The following MAGI1 variants were observed in gnomAD, a reference collection of about 807,000 sequenced individuals.
The protein encoded by MAGI1 is membrane-associated guanylate kinase, WW and PDZ domain-containing protein 1.
MAGI1 carries 58 observed loss-of-function variants against 139.9 expected under a neutral mutation model. That is an observed-to-expected ratio of 0.41 (90% CI 0.34 to 0.52). The LOEUF (loss-of-function observed/expected upper bound fraction) is 0.52, where lower values mean the gene tolerates loss of function less well. MAGI1 is among the 20% of genes least tolerant of loss of function. The probability of loss-of-function intolerance (pLI) is 0.12; values close to 1 mark genes in which losing one functional copy is unlikely to be tolerated. For missense variants in MAGI1, 1,874 were observed against 1,901.6 expected (o/e 0.99, Z 0.27); for synonymous variants, 812 against 737.9 (o/e 1.10, Z -1.63).
chr3:65,969,046 A>G (rs1052942670), intron 1 of MAGI1, among the ~76,000 whole-genome samples: 2 of 152,222 alleles, frequency 1.3e-5, no homozygotes, highest in Admixed American at 1.3e-4. Flanking sequence ...AAAGGCTAAC[A>G]CTCAGCTCAG....
chr3:65,941,610 C>A (rs936843508), intron 1 of MAGI1, among the ~76,000 whole-genome samples: 14 of 151,960 alleles, frequency 9.2e-5, no homozygotes, highest in Non-Finnish European at 1.9e-4. Flanking sequence ...CATCCCCACC[C>A]CCACCTCCCC....
At chr3:65,575,105 T>C (rs1379123865) in intron 2 of MAGI1, among the ~76,000 whole-genome samples, 1 of 152,016 alleles carries the variant, frequency 6.6e-6, no homozygotes, top group Admixed American at 6.6e-5. Context: ...AAAGACACTG[T>C]TAAGAGGATG....
intron 10 of MAGI1, among the ~76,000 whole-genome samples, chr3:65,431,334 C>T (rs1055131961): frequency 2.6e-5 from 4 of 152,030 alleles, no homozygotes; most frequent in African/African-American, 9.7e-5. Context: ...ACTAATCAAA[C>T]GGAAAATCCA....
intron 1 of MAGI1, among the ~76,000 whole-genome samples, chr3:65,841,453 GT>G (rs56049843): frequency 0.032 from 4,768 of 147,456 alleles, 242 homozygotes; most frequent in African/African-American, 0.11. Context: ...TTTTGTTTTT[GT>G]TTTTTTTTTG....
chr3:65,493,077 C>CAAA (rs11412426), intron 3 of MAGI1, among the ~76,000 whole-genome samples: 6 of 110,176 alleles, frequency 5.4e-5, no homozygotes, highest in African/African-American at 1.1e-4. Flanking sequence ...GACTCCGTCT[C>CAAA]AAAAAAAAAA....
chr3:65,755,765 T>C (rs2036517433), intron 1 of MAGI1, among the ~76,000 whole-genome samples: 1 of 152,214 alleles, frequency 6.6e-6, no homozygotes, highest in Non-Finnish European at 1.5e-5. Flanking sequence ...ACAGCTATTC[T>C]GCAAAGTTAC....
At chr3:65,424,563 A>T (rs1282560450) in intron 12 of MAGI1, among the ~76,000 whole-genome samples, 2 of 152,196 alleles carry the variant, frequency 1.3e-5, no homozygotes, top group Admixed American at 1.3e-4. Flanking sequence ...TGTTGTGATC[A>T]GCAAAAGCCA....
intron 5 of MAGI1, among the ~76,000 whole-genome samples, chr3:65,454,585 G>C (rs72896339): frequency 0.04 from 5,874 of 146,868 alleles, 392 homozygotes; most frequent in African/African-American, 0.14. Context: ...AAAAAAAAAA[G>C]AAGTTTTTTT....
At chr3:66,023,039 C>T (rs2068044019) in intron 1 of MAGI1, among the ~76,000 whole-genome samples, 2 of 152,190 alleles carry the variant, frequency 1.3e-5, no homozygotes, top group African/African-American at 2.4e-5. Flanking sequence ...AGTCAAACTT[C>T]ACGCCAAGCT....
intron 3 of MAGI1, among the ~76,000 whole-genome samples, chr3:65,485,992 A>C (rs953918066): frequency 2.6e-5 from 4 of 152,192 alleles, no homozygotes; most frequent in African/African-American, 7.2e-5. Flanking sequence ...TTATCAACAG[A>C]GAACATTCTA....
chr3:65,522,619 T>C (rs948001670), intron 2 of MAGI1, among the ~76,000 whole-genome samples: 2 of 152,166 alleles, frequency 1.3e-5, no homozygotes, highest in African/African-American at 4.8e-5. Context: ...ACAAATTCTG[T>C]CAATCAAGCT....
At chr3:65,445,882 T>A (rs1308117391) in intron 7 of MAGI1, among the ~76,000 whole-genome samples, 2 of 152,210 alleles carry the variant, frequency 1.3e-5, no homozygotes, top group Non-Finnish European at 2.9e-5. Flanking sequence ...GGAATTACAT[T>A]GTTCACTGAA....
chr3:65,578,388 T>A (rs922677863), intron 2 of MAGI1, among the ~76,000 whole-genome samples: 1 of 152,008 alleles, frequency 6.6e-6, no homozygotes, highest in African/African-American at 2.4e-5. Flanking sequence ...GGGTGAAAAA[T>A]CAACCAGCTA....
At chr3:65,574,170 ATTTTATT>A (rs1290402003) in intron 2 of MAGI1, among the ~76,000 whole-genome samples, 1 of 151,660 alleles carries the variant, frequency 6.6e-6, no homozygotes, top group African/African-American at 2.4e-5. Context: ...AGAAATAGAA[ATTTTATT>A]TTTTATTTTT....
intron 1 of MAGI1, among the ~76,000 whole-genome samples, chr3:65,631,235 A>AC (rs1356809313): frequency 6.6e-6 from 1 of 152,240 alleles, no homozygotes; most frequent in Non-Finnish European, 1.5e-5. Context: ...CAATGGAGTC[A>AC]AAAAGGAATC....
intron 1 of MAGI1, among the ~76,000 whole-genome samples, chr3:65,624,180 T>C (rs563798591): frequency 1.3e-5 from 2 of 152,296 alleles, no homozygotes; most frequent in South Asian, 4.1e-4. Context: ...TTAGCAGGCA[T>C]AATGGTTCGT....
intron 2 of MAGI1, among the ~76,000 whole-genome samples, chr3:65,601,710 G>C (rs1173317474): frequency 1.4e-5 from 2 of 145,830 alleles, no homozygotes; most frequent in African/African-American, 2.6e-5. Context: ...TTTATCCTGG[G>C]TGACACCAAA....
intron 1 of MAGI1, among the ~76,000 whole-genome samples, chr3:65,992,155 C>T (rs559105118): frequency 3.3e-5 from 5 of 152,300 alleles, no homozygotes; most frequent in Non-Finnish European, 5.9e-5. Flanking sequence ...AAAACCATAA[C>T]ATCCTCAAGA....
intron 1 of MAGI1, among the ~76,000 whole-genome samples, chr3:65,924,440 G>A (rs891455538): frequency 6.6e-6 from 1 of 152,084 alleles, no homozygotes; most frequent in African/African-American, 2.4e-5. Context: ...AGAATTTCTA[G>A]CATCAAACCA....
Sources: gnomAD v4.1 joint callset for allele counts (sites outside exome capture counted in the v4.1 genomes callset) on GRCh38, gnomAD v4.1.1 for gene constraint, MANE v1.5 for transcripts, NCBI Gene and HGNC (gene_info 2026-07-23, HGNC 2026-07-21) for gene names.